SCRN1: variants seen among roughly 807,000 people sequenced by gnomAD.
SCRN1 encodes secernin 1.
A neutral mutation model predicts 43.3 loss-of-function variants in SCRN1; 19 were observed. That is an observed-to-expected ratio of 0.44 (90% CI 0.31 to 0.64). The LOEUF (loss-of-function observed/expected upper bound fraction) is 0.64, where lower values mean the gene tolerates loss of function less well. Ranked by LOEUF, SCRN1 falls within the 30% of genes least tolerant of loss-of-function variation. SCRN1 has a pLI of 0.09. For missense variants in SCRN1, 447 were observed against 524.1 expected (o/e 0.85, Z 1.44); for synonymous variants, 183 against 188.9 (o/e 0.97, Z 0.26).
At chr7:29,990,131 C>T, upstream of SCRN1, 2 of 1,551,228 alleles carry the variant, frequency 1.3e-6, no homozygotes, top group South Asian at 1.2e-5. Context: ...TTGCTACGTC[C>T]GGGCCTCGGC....
Position 29,950,581 on chromosome 7 carries a change from T to C in SCRN1, c.341+4598A>G, listed in dbSNP as rs901230549. On this transcript the variant is annotated intron_variant, in intron 3 of 7. Coordinates refer to ENST00000242059, the MANE Select transcript of SCRN1 (RefSeq NM_014766.5). This position sits in a 1 kb window ranked among gnomAD's most constrained non-coding sequence, Gnocchi z 4.5. ...GTACGCAGCCCAGAGTGAGAACTTA[T>C]GGTGCTTTTTCCAGGCTTGCCCATG... 3.3e-5 allele frequency among the ~76,000 whole-genome samples: 5 copies of C among 152,194 alleles called. No homozygotes were observed. The highest frequency in any genetic ancestry group is 1.2e-4 in the African/African-American group (5 of 41,456).
chr7:29,981,034 T>C (rs1788977943), intron 1 of SCRN1, among the ~76,000 whole-genome samples: 1 of 151,868 alleles, frequency 6.6e-6, no homozygotes, highest in South Asian at 2.1e-4. Flanking sequence ...CATCTAGTTA[T>C]ATAGTTTTAA....
In SCRN1 at chr7:29,922,201, A is replaced by T. The variant is rs1182533538; in HGVS notation, c.*1756T>A. On this transcript the variant is annotated 3_prime_UTR_variant, in exon 8 of 8. Transcript: ENST00000242059. ...GGTTGCCATTAACTCTGTCAGCTGA[A>T]ATCGTCTTCCCATCACCCACAATGT... is the stretch of plus-strand genomic sequence containing the variant. 1 of 152,228 alleles carries T rather than the reference A, an allele frequency of 6.6e-6. No individual in the cohort carries two copies. The highest frequency in any genetic ancestry group is 1.5e-5 in the Non-Finnish European group (1 of 68,044). 9.4% of individuals were successfully genotyped at this position (152,228 alleles called of 1,614,324 possible).
intron 2 of SCRN1, among the ~76,000 whole-genome samples, chr7:29,968,027 C>A (rs556559870): frequency 6.6e-6 from 1 of 151,934 alleles, no homozygotes; most frequent in Non-Finnish European, 1.5e-5. Flanking sequence ...ACCTTGTGAC[C>A]CAGCAATTTC....
intron 1 of SCRN1, among the ~76,000 whole-genome samples, chr7:29,970,145 G>A (rs986288276): frequency 6.6e-6 from 1 of 152,140 alleles, no homozygotes; most frequent in Admixed American, 6.5e-5. Flanking sequence ...CCTTTTAGAA[G>A]GAAGATTTGA....
At chr7:29,966,076 TGA>T (rs201955646) in intron 2 of SCRN1, among the ~76,000 whole-genome samples, 2,737 of 149,876 alleles carry the variant, frequency 0.018, 98 homozygotes, top group African/African-American at 0.064. Context: ...TGGAATCATC[TGA>T]GAGACAGAGG....
At chr7:29,967,137 T>C (rs186433798) in intron 2 of SCRN1, among the ~76,000 whole-genome samples, 6 of 152,020 alleles carry the variant, frequency 3.9e-5, no homozygotes, top group Admixed American at 3.9e-4. Flanking sequence ...TAATTTATTT[T>C]CTCCAGATTT....
intron 1 of SCRN1, among the ~76,000 whole-genome samples, chr7:29,985,839 T>C (rs1224864540): frequency 6.6e-6 from 1 of 152,208 alleles, no homozygotes; most frequent in Non-Finnish European, 1.5e-5. Context: ...GTCCATCCTG[T>C]CCCCTTTTCA....
chr7:29,966,496 C>A (rs1233716960), intron 2 of SCRN1, among the ~76,000 whole-genome samples: 1 of 152,138 alleles, frequency 6.6e-6, no homozygotes, highest in Non-Finnish European at 1.5e-5. Flanking sequence ...GGAGGACAGA[C>A]AAGGAAGGTC....
chr7:29,928,708 C>CG (rs200878989), intron 6 of SCRN1, among the ~76,000 whole-genome samples: 195 of 152,236 alleles, frequency 1.3e-3, no homozygotes, highest in African/African-American at 4.6e-3. Context: ...AAGAAGACCC[C>CG]CTAAAGACAT....
At chr7:29,959,296 A>G (rs1219351700) in intron 2 of SCRN1, among the ~76,000 whole-genome samples, 1 of 152,246 alleles carries the variant, frequency 6.6e-6, no homozygotes, top group Non-Finnish European at 1.5e-5. Context: ...CGGTGGGAGA[A>G]GATGGCAAAG....
At chr7:29,974,325 G>T (rs1788744794) in intron 1 of SCRN1, among the ~76,000 whole-genome samples, 1 of 151,974 alleles carries the variant, frequency 6.6e-6, no homozygotes, top group South Asian at 2.1e-4. Flanking sequence ...TTTTTATTTG[G>T]CATTGTTCTC....
chr7:29,928,307 C>T (rs760496682), intron 6 of SCRN1, among the ~76,000 whole-genome samples: 23 of 152,050 alleles, frequency 1.5e-4, no homozygotes, highest in Non-Finnish European at 2.4e-4. Flanking sequence ...AAGATCCCTG[C>T]GGATTCATAA....
At chr7:29,974,408 T>C (rs2127926839) in intron 1 of SCRN1, among the ~76,000 whole-genome samples, 1 of 152,320 alleles carries the variant, frequency 6.6e-6, no homozygotes, top group Non-Finnish European at 1.5e-5. Flanking sequence ...GTTTCATTAC[T>C]ATGTTTCACA....
chr7:29,987,664 T>C (rs1485324505), intron 1 of SCRN1, among the ~76,000 whole-genome samples: 2 of 152,246 alleles, frequency 1.3e-5, no homozygotes, highest in African/African-American at 4.8e-5. Context: ...CCTATAGACT[T>C]TGTAATTCAT....
intron 1 of SCRN1, among the ~76,000 whole-genome samples, chr7:29,977,117 G>A (rs1225612715): frequency 3.9e-5 from 6 of 152,170 alleles, no homozygotes; most frequent in Non-Finnish European, 7.4e-5. Flanking sequence ...AGCCTTGACT[G>A]CCTAAGAGAA....
At chr7:29,986,717 A>AT (rs553845779) in intron 1 of SCRN1, among the ~76,000 whole-genome samples, 7,274 of 99,910 alleles carry the variant, frequency 0.073, 58 homozygotes, top group African/African-American at 0.081. Context: ...AATTTTTTTA[A>AT]TTTTTTTTTT....
intron 6 of SCRN1, among the ~76,000 whole-genome samples, chr7:29,931,360 G>A (rs1787147650): frequency 6.6e-6 from 1 of 152,130 alleles, no homozygotes; most frequent in Non-Finnish European, 1.5e-5. Context: ...GCTGTTCTAG[G>A]TACTAGGGAT....
intron 1 of SCRN1, among the ~76,000 whole-genome samples, chr7:29,978,537 C>T (rs1788900414): frequency 6.6e-6 from 1 of 152,180 alleles, no homozygotes; most frequent in Non-Finnish European, 1.5e-5. Flanking sequence ...GAGAATGACA[C>T]ACTTTAGAGA....
Sources: allele counts gnomAD v4.1 joint callset (sites outside exome capture counted in the v4.1 genomes callset), GRCh38; gene constraint gnomAD v4.1.1; non-coding constraint Gnocchi (gnomAD v3.1); transcripts MANE v1.5; gene names NCBI Gene and HGNC (gene_info 2026-07-23, HGNC 2026-07-21).